Variants in FGF12 observed in about 807,000 individuals in gnomAD.
FGF12 encodes the protein fibroblast growth factor 12, also known as fibroblast growth factor 12B.
Under a neutral mutation model 23.6 loss-of-function variants are expected in FGF12, and 14 were observed. That is an observed-to-expected ratio of 0.59 (90% CI 0.39 to 0.93). The LOEUF is 0.93. Among genes scored for constraint, FGF12 ranks in the 40% least tolerant of loss-of-function variants. The pLI, the probability that FGF12 is intolerant of heterozygous loss-of-function variation, is 0.00. For synonymous variants in FGF12, 62 were observed against 77.3 expected, an observed-to-expected ratio of 0.80 and a Z score of 1.04; for missense variants, 175 against 217.8, an observed-to-expected ratio of 0.80 and a Z score of 1.24.
chr3:192,459,121 G>A lies in FGF12; in HGVS notation c.14-98583C>T, dbSNP rs145567826. On this transcript the variant is annotated intron_variant, in intron 2 of 5. Transcript: ENST00000445105. ...AACCTCTTTTTCTTCCCAGTCTAGA[G>A]TATGTCTTTATCAGCAATGTGAAAA... 6.8e-3 allele frequency among the ~76,000 whole-genome samples: 1,029 copies of A among 152,272 alleles called. 9 individuals carry two copies. Among genetic ancestry groups the A allele is most frequent in the African/African-American group, 0.024 (978 of 41,548 alleles).
intron 5 of FGF12, among the ~76,000 whole-genome samples, chr3:192,155,631 T>C (rs1714372889): frequency 6.6e-6 from 1 of 152,240 alleles, no homozygotes; most frequent in Admixed American, 6.5e-5. Context: ...GAATTACTAA[T>C]ACCACATAGA....
intron 4 of FGF12, among the ~76,000 whole-genome samples, chr3:192,252,579 A>AATGT (rs138357485): frequency 0.014 from 2,100 of 151,866 alleles, 38 homozygotes; most frequent in East Asian, 0.046. Flanking sequence ...AGGAAATAAA[A>AATGT]ATGTATGTAC....
chr3:192,462,458 T>C (rs1362485233), intron 2 of FGF12, among the ~76,000 whole-genome samples: 1 of 152,104 alleles, frequency 6.6e-6, no homozygotes, highest in Non-Finnish European at 1.5e-5. Context: ...GTGATACCCT[T>C]TGCCACCTCA....
chr3:192,426,420 C>T (rs1028216896), intron 2 of FGF12, among the ~76,000 whole-genome samples: 5 of 152,056 alleles, frequency 3.3e-5, no homozygotes, highest in Non-Finnish European at 7.4e-5. Flanking sequence ...TAAAATTGAA[C>T]AAATACAGGT....
chr3:192,324,652 AAC>A (rs1716728420), intron 4 of FGF12, among the ~76,000 whole-genome samples: 1 of 152,222 alleles, frequency 6.6e-6, no homozygotes, highest in African/African-American at 2.4e-5. Context: ...CTATGATTCA[AAC>A]ACAGTTTTAT....
Position 192,312,860 on chromosome 3 carries a change from G to C in FGF12, c.228+22501C>G, listed in dbSNP as rs189383974. On this transcript the variant is annotated intron_variant, in intron 4 of 5. Coordinates refer to ENST00000445105, the MANE Select transcript of FGF12 (RefSeq NM_004113.6). ...TATTTTATTATAGTATTAACGTATA[G>C]TGTTTGCCTTTGTCTTCTACCATGA... 5.7e-4 allele frequency among the ~76,000 whole-genome samples: 86 copies of C among 152,136 alleles called. 1 individual carries two copies. The highest frequency in any genetic ancestry group is 4.4e-3 in the South Asian group (21 of 4,820).
chr3:192,367,321 T>C (rs1407882066), intron 2 of FGF12, among the ~76,000 whole-genome samples: 2 of 152,320 alleles, frequency 1.3e-5, no homozygotes, highest in East Asian at 1.9e-4. Flanking sequence ...GGTTTACAAA[T>C]GTGCCTTCTG....
At chr3:192,344,172 CAATGAGAT>C (rs1487187442) in intron 3 of FGF12, among the ~76,000 whole-genome samples, 1 of 152,042 alleles carries the variant, frequency 6.6e-6, no homozygotes, top group African/African-American at 2.4e-5. Flanking sequence ...TTATGAAGAT[CAATGAGAT>C]AATAAAAACA....
chr3:192,687,075 C>T (rs748390222), intron 2 of FGF12, among the ~76,000 whole-genome samples: 2 of 150,702 alleles, frequency 1.3e-5, no homozygotes, highest in Non-Finnish European at 3.0e-5. Context: ...GTGATCTGCC[C>T]GCCTTGGCCT....
chr3:192,312,761 A>T (rs1005317392), intron 4 of FGF12, among the ~76,000 whole-genome samples: 11 of 151,074 alleles, frequency 7.3e-5, no homozygotes, highest in Non-Finnish European at 8.8e-5. Context: ...AAAAAAAAAA[A>T]TTATGCCAAG....
intron 2 of FGF12, among the ~76,000 whole-genome samples, chr3:192,363,136 G>A (rs1560085906): frequency 1.3e-5 from 2 of 151,694 alleles, no homozygotes; most frequent in South Asian, 4.2e-4. Context: ...TATATCTAAT[G>A]TAAATGACGA....
chr3:192,511,283 C>A (rs1724464669), intron 2 of FGF12, among the ~76,000 whole-genome samples: 1 of 152,038 alleles, frequency 6.6e-6, no homozygotes, highest in Non-Finnish European at 1.5e-5. Flanking sequence ...CTGTAGGGAC[C>A]TACTGCCAAA....
chr3:192,189,114 G>A (rs946077965), intron 4 of FGF12, among the ~76,000 whole-genome samples: 8 of 152,304 alleles, frequency 5.3e-5, no homozygotes, highest in Admixed American at 2.6e-4. Flanking sequence ...CATGCCAGCC[G>A]CAGCTTGTAG....
chr3:192,386,249 T>C (rs1720035930), intron 2 of FGF12, among the ~76,000 whole-genome samples: 1 of 152,220 alleles, frequency 6.6e-6, no homozygotes, highest in Non-Finnish European at 1.5e-5. Flanking sequence ...ACTCTCTTCT[T>C]GATAGCTCAT....
At chr3:192,520,813 T>C (rs1724796129) in intron 2 of FGF12, among the ~76,000 whole-genome samples, 1 of 152,202 alleles carries the variant, frequency 6.6e-6, no homozygotes, top group Non-Finnish European at 1.5e-5. Flanking sequence ...GTAACTGGTT[T>C]CTTTAGTTTA....
intron 2 of FGF12, among the ~76,000 whole-genome samples, chr3:192,377,053 A>G (rs1719549162): frequency 6.6e-6 from 1 of 152,222 alleles, no homozygotes; most frequent in Admixed American, 6.5e-5. Flanking sequence ...AGAGTTTGAT[A>G]TTGAACCTCA....
chr3:192,644,577 T>A (rs1198725439), intron 2 of FGF12, among the ~76,000 whole-genome samples: 3 of 152,186 alleles, frequency 2.0e-5, no homozygotes, highest in Non-Finnish European at 2.9e-5. Flanking sequence ...GTTACTTCTA[T>A]TATTAAAAAT....
At chr3:192,648,738 C>T (rs954898002) in intron 2 of FGF12, among the ~76,000 whole-genome samples, 1 of 151,986 alleles carries the variant, frequency 6.6e-6, no homozygotes, top group Non-Finnish European at 1.5e-5. Context: ...AAGGGAGCAA[C>T]AGAAAAATAG....
chr3:192,547,309 T>A (rs1353423279), intron 2 of FGF12, among the ~76,000 whole-genome samples: 1 of 152,216 alleles, frequency 6.6e-6, no homozygotes, highest in Non-Finnish European at 1.5e-5. Context: ...AAATGTTTTT[T>A]ATAAGTAGTC....
Sources: allele counts gnomAD v4.1 joint callset (sites outside exome capture counted in the v4.1 genomes callset), GRCh38; gene constraint gnomAD v4.1.1; transcripts MANE v1.5; gene names NCBI Gene and HGNC (gene_info 2026-07-23, HGNC 2026-07-21).